The following SPINK14 variants were observed in gnomAD, a reference collection of about 807,000 sequenced individuals.
SPINK14 encodes serine protease inhibitor Kazal-type 14.
Under a neutral mutation model 14.2 loss-of-function variants are expected in SPINK14, and 6 were observed. The ratio of observed to expected loss-of-function variants is 0.42; its 90% confidence interval spans 0.23 to 0.83. SPINK14 has a LOEUF of 0.83. SPINK14 is among the 40% of genes least tolerant of loss of function. The pLI is 0.28. For synonymous variants in SPINK14, 34 were observed against 36.8 expected (o/e 0.92, Z 0.27); for missense variants, 86 against 108.3 (o/e 0.79, Z 0.91).
intron 4 of SPINK14, 51 bp from the exon 5 acceptor site, chr5:148,175,302 G>C (rs746424001): frequency 1.7e-6 from 2 of 1,167,834 alleles, no homozygotes; most frequent in Non-Finnish European, 2.5e-6. Flanking sequence ...TATTTGTTTA[G>C]TTCTGACATT....
At chr5:148,174,089 C>T in intron 3 of SPINK14, 145 bp from the exon 4 acceptor site, 1 of 437,224 alleles carries the variant, frequency 2.3e-6, no homozygotes, top group Admixed American at 2.8e-5. Context: ...AGCAATCCTC[C>T]CACCTCAGCC....
At chr5:148,173,167 AC>A (rs978378518) in intron 3 of SPINK14, among the ~76,000 whole-genome samples, 1 of 147,852 alleles carries the variant, frequency 6.8e-6, no homozygotes, top group African/African-American at 2.4e-5. Context: ...TTAAAACATG[AC>A]CCCCTTCTTT....
At position 148,175,409 on chromosome 5, in the gene SPINK14, T is replaced by C. The variant is rs1755154511; in HGVS notation, c.*11T>C. Reference sequence around the variant, plus strand: ...GATGGAAAATGTTAGCTGAGTGGACTTGAATGTGGAAGATATCTTCTTTTT... The same window carrying C: ...GATGGAAAATGTTAGCTGAGTGGACCTGAATGTGGAAGATATCTTCTTTTT... On this transcript the variant is annotated 3_prime_UTR_variant, in exon 5 of 5. Transcript: ENST00000356972. 2 of 1,590,120 alleles carry C rather than the reference T, an allele frequency of 1.3e-6. No individual in the cohort carries two copies. The highest frequency in any genetic ancestry group is 1.1e-5 in the South Asian group (1 of 89,228).
intron 3 of SPINK14, 127 bp downstream of exon 3, chr5:148,171,100 G>A (rs988589784): frequency 9.7e-6 from 8 of 825,380 alleles, no homozygotes; most frequent in Middle Eastern, 2.3e-4. Flanking sequence ...CTATTTGTAC[G>A]AGGGTGGTGG....
At chr5:148,174,481 G>T in intron 4 of SPINK14, 111 bp downstream of exon 4, 1 of 630,828 alleles carries the variant, frequency 1.6e-6, no homozygotes, top group Non-Finnish European at 2.4e-6. Context: ...ATTTGCTCCA[G>T]TTCACACAGA....
At chr5:148,169,853 A>G in intron 2 of SPINK14, 54 bp downstream of exon 2, 1 of 1,444,712 alleles carries the variant, frequency 6.9e-7, no homozygotes, top group Non-Finnish European at 9.7e-7. Context: ...GTGGGCTTTT[A>G]CATCATAATC....
At chr5:148,171,541 G>A (rs1034435732) in intron 3 of SPINK14, among the ~76,000 whole-genome samples, 1 of 152,020 alleles carries the variant, frequency 6.6e-6, no homozygotes, top group African/African-American at 2.4e-5. Context: ...TATAATGTGA[G>A]GTCAATCGAT....
intron 3 of SPINK14, 87 bp downstream of exon 3, chr5:148,171,060 C>T (rs1032884878): frequency 1.6e-6 from 2 of 1,260,826 alleles, no homozygotes; most frequent in Non-Finnish European, 2.3e-6. Context: ...AACTTAATGC[C>T]TCAAGGTCAC....
chr5:148,169,903 A>G (rs917688342), intron 2 of SPINK14, 104 bp downstream of exon 2: 13 of 737,202 alleles, frequency 1.8e-5, no homozygotes, highest in Non-Finnish European at 2.2e-6. Flanking sequence ...AACTGGGATG[A>G]ATATATATAT....
At chr5:148,172,238 G>A (rs1447557641) in intron 3 of SPINK14, among the ~76,000 whole-genome samples, 1 of 152,122 alleles carries the variant, frequency 6.6e-6, no homozygotes, top group Non-Finnish European at 1.5e-5. Flanking sequence ...TAGCCACCCA[G>A]GTGAAGAGGG....
In SPINK14 at chr5:148,174,242, T is replaced by C; in HGVS notation, c.120T>C (p.Cys40=). The C allele has an allele frequency of 9.0e-7, 1 of 1,113,970 alleles. No individual in the cohort carries two copies. The highest frequency in any genetic ancestry group is 1.2e-6 in the Non-Finnish European group (1 of 810,908). The allele number at this position is 1,113,970 out of a possible 1,614,324, so 69.0% of individuals were successfully genotyped here. ...TTTCAACTCAATTTCAGGTGAAATG[T>C]CCATATGAGAAAGTAAACTTGAGCT... ...WPPRGIIKVK[C]PYEKVNLSWY... is the part of the protein sequence containing the mutation. Residue 40 remains cysteine (C), a synonymous_variant, in exon 4 of 5, where the codon TGT becomes TGC. Coordinates refer to ENST00000356972, the MANE Select transcript of SPINK14 (RefSeq NM_001001325.2).
At chr5:148,172,604 C>T (rs1755122149) in intron 3 of SPINK14, among the ~76,000 whole-genome samples, 1 of 152,102 alleles carries the variant, frequency 6.6e-6, no homozygotes, top group Non-Finnish European at 1.5e-5. Context: ...TGGGCTTATA[C>T]TCCTTTGGGG....
At chr5:148,174,888 T>C (rs1269626263) in intron 4 of SPINK14, among the ~76,000 whole-genome samples, 1 of 152,144 alleles carries the variant, frequency 6.6e-6, no homozygotes, top group Non-Finnish European at 1.5e-5. Flanking sequence ...GATTCCTATA[T>C]GAGTGAGTGC....
intron 2 of SPINK14, among the ~76,000 whole-genome samples, chr5:148,170,167 TATATATAC>T (rs1755083884): frequency 1.0e-5 from 1 of 99,224 alleles, no homozygotes; most frequent in Non-Finnish European, 2.4e-5. Flanking sequence ...AGTATATATA[TATATATAC>T]ACACACACAC....
chr5:148,170,662 A>G (rs1335566830), intron 2 of SPINK14, among the ~76,000 whole-genome samples: 1 of 152,128 alleles, frequency 6.6e-6, no homozygotes, highest in East Asian at 1.9e-4. Context: ...TCTCAAGTCC[A>G]AGCTAATTAG....
intron 3 of SPINK14, among the ~76,000 whole-genome samples, chr5:148,172,553 C>T (rs1038963086): frequency 6.6e-6 from 1 of 152,086 alleles, no homozygotes; most frequent in African/African-American, 2.4e-5. Context: ...ATGTGCTGGG[C>T]ACATAATGAC....
In SPINK14 at chr5:148,175,120, A is replaced by G. The variant is rs547384391; in HGVS notation, c.249-233A>G. On this transcript the variant is annotated intron_variant, in intron 4 of 4. Transcript: ENST00000356972. The stretch of plus-strand genomic sequence containing the variant: ...GACCTGATTACACAGCTTAATTTCA[A>G]AAAGACTGTAGCATGTCTCATAATA... Among the ~76,000 whole-genome samples the G allele has an allele frequency of 4.0e-3, 205 of 51,270 alleles. 72 individuals are homozygous for G. The highest frequency in any genetic ancestry group is 0.026 in the Middle Eastern group (2 of 76). The allele number at this position is 51,270 out of a possible 152,430, so 33.6% of individuals were successfully genotyped here.
intron 2 of SPINK14, 134 bp downstream of exon 2, chr5:148,169,933 T>C: frequency 2.8e-6 from 1 of 363,246 alleles, no homozygotes; most frequent in South Asian, 7.0e-5. Flanking sequence ...TATATATAAA[T>C]TATCCATTGA....
At chr5:148,172,040 T>C (rs1374045792) in intron 3 of SPINK14, among the ~76,000 whole-genome samples, 1 of 152,170 alleles carries the variant, frequency 6.6e-6, no homozygotes, top group Non-Finnish European at 1.5e-5. Context: ...CTTTTCCTCA[T>C]GAACCTTGCA....
Sources: gnomAD v4.1 joint callset for allele counts (sites outside exome capture counted in the v4.1 genomes callset) on GRCh38, gnomAD v4.1.1 for gene constraint, MANE v1.5 for transcripts, NCBI Gene and HGNC (gene_info 2026-07-23, HGNC 2026-07-21) for gene names.